WWOX: variants seen among roughly 807,000 people sequenced by gnomAD.
The protein encoded by WWOX is WW domain containing oxidoreductase, also known as WW domain-containing oxidoreductase.
A neutral mutation model predicts 46.2 loss-of-function variants in WWOX; 69 were observed. The observed-to-expected ratio is 1.49, with a 90% CI of 1.23 to 1.82. The LOEUF is 1.82. WWOX is among the 40% of genes most tolerant of loss of function. WWOX has a pLI of 0.00. For missense variants in WWOX, 919 were observed against 542.6 expected, an observed-to-expected ratio of 1.69 and a Z score of -6.89; for synonymous variants, 359 against 202.6, an observed-to-expected ratio of 1.77 and a Z score of -6.56.
intron 8 of WWOX, among the ~76,000 whole-genome samples, chr16:78,805,289 G>A (rs372652140): frequency 6.6e-5 from 10 of 152,158 alleles, no homozygotes; most frequent in African/African-American, 2.4e-4. Context: ...GTCTCACCCT[G>A]TCGCCCAGGC....
intron 8 of WWOX, among the ~76,000 whole-genome samples, chr16:78,454,439 A>C (rs1187177208): frequency 1.3e-5 from 2 of 151,166 alleles, no homozygotes; most frequent in African/African-American, 4.9e-5. Context: ...TGATACTTTT[A>C]TCTGAGCAGT....
intron 8 of WWOX, among the ~76,000 whole-genome samples, chr16:78,638,957 G>A (rs897384971): frequency 1.3e-5 from 2 of 152,094 alleles, no homozygotes; most frequent in African/African-American, 2.4e-5. Flanking sequence ...TTCCCTCTGG[G>A]GTGCTGGTAG....
chr16:78,425,480 C>T (rs567227416), intron 7 of WWOX, among the ~76,000 whole-genome samples: 54 of 152,080 alleles, frequency 3.6e-4, no homozygotes, highest in Non-Finnish European at 6.0e-4. Flanking sequence ...TTAGGGAATT[C>T]GAGGCAGACA....
chr16:79,025,644 C>A (rs979810441), intron 8 of WWOX, among the ~76,000 whole-genome samples: 1 of 152,050 alleles, frequency 6.6e-6, no homozygotes, highest in African/African-American at 2.4e-5. Flanking sequence ...GACTTCTGGC[C>A]TCCAGAATAC....
intron 8 of WWOX, among the ~76,000 whole-genome samples, chr16:78,518,008 G>T (rs755546806): frequency 4.6e-5 from 7 of 151,718 alleles, no homozygotes; most frequent in Non-Finnish European, 1.0e-4. Context: ...TCCTTGGTTT[G>T]TATTCCAGCC....
intron 8 of WWOX, among the ~76,000 whole-genome samples, chr16:78,594,901 A>G (rs868020844): frequency 5.9e-5 from 9 of 152,208 alleles, no homozygotes; most frequent in Middle Eastern, 6.3e-3. Context: ...TATTGCAAGT[A>G]AAGAATTATA....
At chr16:78,483,179 A>G (rs2084538350) in intron 8 of WWOX, among the ~76,000 whole-genome samples, 1 of 152,142 alleles carries the variant, frequency 6.6e-6, no homozygotes, top group African/African-American at 2.4e-5. Context: ...AATGCACCCA[A>G]ATGTAAAAGA....
At chr16:78,983,870 C>CTTTTTTTT (rs760130115) in intron 8 of WWOX, among the ~76,000 whole-genome samples, 1,417 of 79,728 alleles carry the variant, frequency 0.018, 66 homozygotes, top group Middle Eastern at 0.037. Flanking sequence ...GAGAGCTATT[C>CTTTTTTTT]TTTTTTTTTT....
At chr16:79,077,874 C>G (rs1287154894) in intron 8 of WWOX, 1 of 152,124 alleles carries the variant, frequency 6.6e-6, no homozygotes, top group African/African-American at 2.4e-5. Flanking sequence ...CTGCATCGTT[C>G]TTCTTACTCA....
intron 8 of WWOX, among the ~76,000 whole-genome samples, chr16:78,598,879 C>A (rs2045555359): frequency 1.3e-5 from 2 of 152,152 alleles, no homozygotes; most frequent in East Asian, 3.9e-4. Flanking sequence ...CTCTGCCTGG[C>A]ACTGTTCTAA....
chr16:78,208,516 C>A (rs1487346404), intron 5 of WWOX, among the ~76,000 whole-genome samples: 2 of 152,030 alleles, frequency 1.3e-5, no homozygotes, highest in Non-Finnish European at 1.5e-5. Flanking sequence ...ACTATTTTTT[C>A]TTTTAGGGTG....
chr16:79,077,116 C>G (rs1022095047), intron 8 of WWOX, among the ~76,000 whole-genome samples: 6 of 152,210 alleles, frequency 3.9e-5, no homozygotes, highest in Non-Finnish European at 8.8e-5. Flanking sequence ...TTTGAACCCA[C>G]TGCTCTCCAA....
intron 8 of WWOX, among the ~76,000 whole-genome samples, chr16:78,688,829 T>C (rs28437814): frequency 0.3 from 45,194 of 151,770 alleles, 7,234 homozygotes; most frequent in South Asian, 0.36. Flanking sequence ...CAGTGGGAGG[T>C]GATTGAATCA....
At chr16:78,837,693 T>G (rs1196044947) in intron 8 of WWOX, among the ~76,000 whole-genome samples, 2 of 152,176 alleles carry the variant, frequency 1.3e-5, no homozygotes, top group African/African-American at 4.8e-5. Context: ...TGACAAAGAT[T>G]GAGTGATTAG....
intron 8 of WWOX, among the ~76,000 whole-genome samples, chr16:78,595,064 C>T (rs1168362620): frequency 1.3e-5 from 2 of 152,128 alleles, no homozygotes; most frequent in African/African-American, 2.4e-5. Flanking sequence ...CTTGGGGACC[C>T]CAGGGTGGAA....
intron 8 of WWOX, among the ~76,000 whole-genome samples, chr16:78,964,144 G>C: frequency 6.6e-6 from 1 of 152,184 alleles, no homozygotes; most frequent in East Asian, 1.9e-4. Context: ...CCAGTAGAGT[G>C]GGGCATTGCT....
At chr16:78,682,045 T>C (rs1351999481) in intron 8 of WWOX, among the ~76,000 whole-genome samples, 3 of 152,142 alleles carry the variant, frequency 2.0e-5, no homozygotes, top group Non-Finnish European at 2.9e-5. Context: ...TTGTTCTCCA[T>C]GCTCCAAATG....
chr16:79,036,456 A>G (rs919729044), intron 8 of WWOX, among the ~76,000 whole-genome samples: 2 of 152,212 alleles, frequency 1.3e-5, no homozygotes, highest in African/African-American at 2.4e-5. Flanking sequence ...TGCATCATTC[A>G]TGACATGTGA....
intron 8 of WWOX, among the ~76,000 whole-genome samples, chr16:78,768,252 A>C (rs1472435562): frequency 6.7e-6 from 1 of 149,488 alleles, no homozygotes; most frequent in Non-Finnish European, 1.5e-5. Context: ...GTGAAATCTC[A>C]AGCAAGCCAA....
Sources: allele counts gnomAD v4.1 joint callset (sites outside exome capture counted in the v4.1 genomes callset), GRCh38; gene constraint gnomAD v4.1.1; transcripts MANE v1.5; gene names NCBI Gene and HGNC (gene_info 2026-07-23, HGNC 2026-07-21).